Variants in MAGI1 observed in about 807,000 individuals in gnomAD.
The protein encoded by MAGI1 is membrane associated guanylate kinase, WW and PDZ domain containing 1.
In MAGI1, 58 loss-of-function variants were observed where a neutral mutation model predicts 139.9. That is an observed-to-expected ratio of 0.41 (90% CI 0.34 to 0.52). The LOEUF (loss-of-function observed/expected upper bound fraction) is 0.52, where lower values mean the gene tolerates loss of function less well. Ranked by LOEUF, MAGI1 falls within the 20% of genes least tolerant of loss-of-function variation. The pLI is 0.12. For synonymous variants in MAGI1, 812 were observed against 737.9 expected (o/e 1.10, Z -1.63); for missense variants, 1,874 against 1,901.6 (o/e 0.99, Z 0.27).
At chr3:65,948,515 C>T (rs981779693) in intron 1 of MAGI1, among the ~76,000 whole-genome samples, 1 of 152,136 alleles carries the variant, frequency 6.6e-6, no homozygotes, top group African/African-American at 2.4e-5. Context: ...GATTAAAAAT[C>T]ACTTGGCCGG....
chr3:65,670,210 G>A (rs978099745), intron 1 of MAGI1, among the ~76,000 whole-genome samples: 1 of 152,020 alleles, frequency 6.6e-6, no homozygotes, highest in Non-Finnish European at 1.5e-5. Flanking sequence ...TGAGTTTCTT[G>A]TGGGGAAAAA....
chr3:65,591,287 C>T (rs556292649), intron 2 of MAGI1, among the ~76,000 whole-genome samples: 30 of 152,224 alleles, frequency 2.0e-4, no homozygotes, highest in Middle Eastern at 6.8e-3. Context: ...TTCTGTCCTT[C>T]CAGTTGTTCA....
intron 9 of MAGI1, among the ~76,000 whole-genome samples, 157 bp from the exon 10 acceptor site, chr3:65,437,404 C>CTTTTTTTTTTTT (rs5849667): frequency 7.2e-6 from 1 of 138,684 alleles, no homozygotes; most frequent in Non-Finnish European, 1.6e-5. Context: ...CTATGAAGCT[C>CTTTTTTTTTTTT]TTTTTTTTTT....
chr3:65,905,107 T>C (rs990740055), intron 1 of MAGI1, among the ~76,000 whole-genome samples: 2 of 152,200 alleles, frequency 1.3e-5, no homozygotes, highest in African/African-American at 2.4e-5. Context: ...CTATGCTATA[T>C]CCCCAAGATT....
chr3:65,937,665 A>G (rs552030221), intron 1 of MAGI1, among the ~76,000 whole-genome samples: 1 of 152,158 alleles, frequency 6.6e-6, no homozygotes, highest in South Asian at 2.1e-4. Flanking sequence ...TTTTTAAGCC[A>G]CTTCTTTTAT....
intron 2 of MAGI1, among the ~76,000 whole-genome samples, chr3:65,583,905 T>A (rs537431846): frequency 6.6e-6 from 1 of 152,208 alleles, no homozygotes; most frequent in East Asian, 1.9e-4. Context: ...CCTCTACTAG[T>A]CTTTCAAAGG....
At chr3:65,869,005 C>A (rs2059823873) in intron 1 of MAGI1, among the ~76,000 whole-genome samples, 1 of 152,018 alleles carries the variant, frequency 6.6e-6, no homozygotes, top group Non-Finnish European at 1.5e-5. Flanking sequence ...CGGTGGCTCA[C>A]GCTTGTAATC....
Position 65,921,722 on chromosome 3 carries a change from AAATCAATCAAAGGAG to A in MAGI1, c.313+116259_313+116273del, listed in dbSNP as rs535520259. 2.8e-4 allele frequency among the ~76,000 whole-genome samples: 42 copies of A among 152,286 alleles called. 1 individual carries two copies. The South Asian group carries it at 8.7e-3, about 32-fold the overall frequency. On this transcript the variant is annotated intron_variant, in intron 1 of 22. Transcript: ENST00000402939. Reference sequence around the variant, plus strand: ...CTCCTCAAGAAAAGGTCATTCCACAAAATCAATCAAAGGAGAATCAATCAAAATGATTGACAATTG... The same window carrying A: ...CTCCTCAAGAAAAGGTCATTCCACAAAATCAATCAAAATGATTGACAATTG...
At chr3:65,798,689 A>G (rs1021627069) in intron 1 of MAGI1, among the ~76,000 whole-genome samples, 2 of 152,234 alleles carry the variant, frequency 1.3e-5, no homozygotes, top group African/African-American at 2.4e-5. Flanking sequence ...CTACAGCTAC[A>G]GTAGTCCCCC....
At chr3:65,998,683 G>GT (rs1350816505) in intron 1 of MAGI1, among the ~76,000 whole-genome samples, 2 of 151,878 alleles carry the variant, frequency 1.3e-5, no homozygotes, top group Non-Finnish European at 2.9e-5. Context: ...CCATTTGATG[G>GT]TTTTTTTGGG....
At chr3:65,500,771 G>C (rs2077050189) in intron 2 of MAGI1, among the ~76,000 whole-genome samples, 1 of 152,152 alleles carries the variant, frequency 6.6e-6, no homozygotes, top group Non-Finnish European at 1.5e-5. Flanking sequence ...AGCCCACAAA[G>C]ATTACATTGT....
At chr3:65,373,022 C>T (rs1166951438) in intron 18 of MAGI1, among the ~76,000 whole-genome samples, 1 of 152,180 alleles carries the variant, frequency 6.6e-6, no homozygotes, top group Non-Finnish European at 1.5e-5. Context: ...TGGAGTGGCA[C>T]TTTTAATTTC....
At chr3:65,838,216 G>T (rs111533526) in intron 1 of MAGI1, among the ~76,000 whole-genome samples, 1 of 152,176 alleles carries the variant, frequency 6.6e-6, no homozygotes, top group Non-Finnish European at 1.5e-5. Context: ...GAAGGCTGAG[G>T]CAGGAGAATC....
chr3:65,843,180 T>A (rs77807357), intron 1 of MAGI1, among the ~76,000 whole-genome samples: 8 of 152,196 alleles, frequency 5.3e-5, no homozygotes, highest in African/African-American at 1.7e-4. Context: ...AAGATTGTCT[T>A]CTGTCTTAGG....
chr3:65,957,689 G>A (rs1346943901), intron 1 of MAGI1, among the ~76,000 whole-genome samples: 3 of 152,130 alleles, frequency 2.0e-5, no homozygotes, highest in Non-Finnish European at 4.4e-5. Flanking sequence ...ATAGAGGTCA[G>A]GACAATGGTT....
chr3:65,615,199 G>C (rs1403979674), intron 2 of MAGI1, among the ~76,000 whole-genome samples: 1 of 152,050 alleles, frequency 6.6e-6, no homozygotes, highest in Non-Finnish European at 1.5e-5. Flanking sequence ...AAGCTACAAT[G>C]GAGAAAATGG....
chr3:65,595,334 G>A (rs1287144034), intron 2 of MAGI1, among the ~76,000 whole-genome samples: 3 of 152,192 alleles, frequency 2.0e-5, no homozygotes, highest in African/African-American at 7.2e-5. Context: ...CACAAAAACA[G>A]TCTTGGGTAT....
intron 1 of MAGI1, among the ~76,000 whole-genome samples, chr3:65,690,815 A>G (rs764887382): frequency 1.7e-5 from 2 of 120,838 alleles, no homozygotes; most frequent in Non-Finnish European, 1.6e-5. Context: ...TTTAACCACT[A>G]TTATAGTCTA....
intron 2 of MAGI1, among the ~76,000 whole-genome samples, chr3:65,522,243 C>T (rs2078196097): frequency 6.6e-6 from 1 of 152,134 alleles, no homozygotes; most frequent in Non-Finnish European, 1.5e-5. Context: ...GTTGAATATG[C>T]TGATATTAAT....
Sources: allele counts gnomAD v4.1 joint callset (sites outside exome capture counted in the v4.1 genomes callset), GRCh38; gene constraint gnomAD v4.1.1; transcripts MANE v1.5; gene names NCBI Gene and HGNC (gene_info 2026-07-23, HGNC 2026-07-21).